PSMA3: variants seen among roughly 807,000 people sequenced by gnomAD.
PSMA3 encodes the protein proteasome subunit alpha type-3.
PSMA3 carries 8 observed loss-of-function variants against 40.0 expected under a neutral mutation model. The observed-to-expected ratio is 0.20, with a 90% CI of 0.12 to 0.36. PSMA3 has a LOEUF of 0.36. Ranked by LOEUF, PSMA3 falls within the 10% of genes least tolerant of loss-of-function variation. The pLI is 1.00. For synonymous variants in PSMA3, 110 were observed against 100.0 expected, an observed-to-expected ratio of 1.10 and a Z score of -0.59; for missense variants, 219 against 310.6, an observed-to-expected ratio of 0.70 and a Z score of 2.22.
At chr14:58,248,617 T>C (rs1319087727) in intron 2 of PSMA3, among the ~76,000 whole-genome samples, 1 of 152,104 alleles carries the variant, frequency 6.6e-6, no homozygotes, top group Non-Finnish European at 1.5e-5. Context: ...GAAATATCTT[T>C]AAAAAATTGA....
chr14:58,270,376 T>A, intron 8 of PSMA3, 42 bp from the exon 9 acceptor site: 2 of 1,611,096 alleles, frequency 1.2e-6, no homozygotes, highest in Non-Finnish European at 1.7e-6. Flanking sequence ...ACTTCAATGT[T>A]TGGAGGTTAC....
At position 58,261,148 on chromosome 14, in the gene PSMA3, T is replaced by A. The variant is rs971441661; in HGVS notation, c.477+128T>A. 3 of 709,600 alleles carry A rather than the reference T, an allele frequency of 4.2e-6. No homozygotes were observed. The East Asian group carries it at 8.6e-5, about 20-fold the overall frequency. The allele number at this position is 709,600 out of a possible 1,614,324, so 44.0% of individuals were successfully genotyped here. A position where few individuals can be genotyped will look rare whatever the true frequency, so the allele number is the denominator to read the frequency against. ...TCAAGGAAAGTAATTTTTCTTTTTT[T>A]TTTTTTTACAACAACCTCTTGTCCA... is the stretch of plus-strand genomic sequence containing the variant. On this transcript the variant is annotated intron_variant, in intron 6 of 10. Transcript: ENST00000216455.
chr14:58,264,594 A>G (rs936008470), intron 7 of PSMA3: 9 of 152,214 alleles, frequency 5.9e-5, no homozygotes, highest in African/African-American at 2.2e-4. Flanking sequence ...ATTTAATGTT[A>G]ATGCTGTACT....
At chr14:58,263,861 T>C (rs112628067) in intron 7 of PSMA3, 91 bp downstream of exon 7, 3 of 1,174,226 alleles carry the variant, frequency 2.6e-6, no homozygotes, top group Non-Finnish European at 3.8e-6. Flanking sequence ...GGCAGGGATG[T>C]CCAATCATTT....
At chr14:58,263,641 G>A (rs1890347136) in intron 6 of PSMA3, 64 bp from the exon 7 acceptor site, 10 of 1,293,150 alleles carry the variant, frequency 7.7e-6, no homozygotes, top group East Asian at 2.4e-5. Flanking sequence ...AGAAACATTA[G>A]TAGTCATTAA....
chr14:58,264,030 T>A (rs1890361249), intron 7 of PSMA3, among the ~76,000 whole-genome samples: 1 of 152,222 alleles, frequency 6.6e-6, no homozygotes, highest in East Asian at 1.9e-4. Flanking sequence ...TGTGGTTTGA[T>A]GTTGAGAGTT....
At chr14:58,250,070 A>T (rs1355437934) in intron 2 of PSMA3, among the ~76,000 whole-genome samples, 2 of 151,368 alleles carry the variant, frequency 1.3e-5, no homozygotes, top group Non-Finnish European at 2.9e-5. Context: ...AATACAAAAA[A>T]TTAGCCGGGC....
rs1424233973 is a variant in PSMA3 at position 58,244,917 on chromosome 14, C to T, written c.-4C>T. The stretch of plus-strand genomic sequence containing the variant: ...TCCCTACGCGTCCCTTTGGGTTTAG[C>T]ACGATGAGCTCAATCGGCACTGGGG... On this transcript the variant is annotated 5_prime_UTR_variant, in exon 1 of 11. Transcript: ENST00000216455. 2 of 1,614,174 alleles carry T rather than the reference C, an allele frequency of 1.2e-6. No individual in the cohort carries two copies. The highest frequency in any genetic ancestry group is 2.2e-5 in the East Asian group (1 of 44,872).
At chr14:58,249,840 C>A (rs546364371) in intron 2 of PSMA3, among the ~76,000 whole-genome samples, 1 of 152,316 alleles carries the variant, frequency 6.6e-6, no homozygotes, top group East Asian at 1.9e-4. Flanking sequence ...TAATTTTGAC[C>A]TCGAAGACTG....
At chr14:58,252,030 G>T (rs962565950) in intron 2 of PSMA3, 89 bp from the exon 3 acceptor site, 2 of 1,374,788 alleles carry the variant, frequency 1.5e-6, no homozygotes, top group South Asian at 1.4e-5. Flanking sequence ...TGCCTTAAAT[G>T]TTACTTATTT....
At position 58,253,195 on chromosome 14, in the gene PSMA3, G is replaced by A. The variant is rs539032171; in HGVS notation, c.228+953G>A. 1.9e-4 allele frequency among the ~76,000 whole-genome samples: 29 copies of A among 152,240 alleles called. No homozygotes were observed. In the South Asian group the frequency reaches 3.7e-3, roughly 20 times the overall value. On this transcript the variant is annotated intron_variant, in intron 3 of 10. Transcript: ENST00000216455. ...AGGCAGGGTTTCACCATGTTGGCCA[G>A]GCTGGTCTCGAACTCCTGACCTCAA... is the stretch of plus-strand genomic sequence containing the variant.
rs1889926609 is a variant in PSMA3, at chr14:58,248,449, C to G, written c.104+617C>G. 2.0e-5 allele frequency among the ~76,000 whole-genome samples: 3 copies of G among 151,616 alleles called. No homozygotes were observed. In the South Asian group the frequency reaches 6.4e-4, roughly 32 times the overall value. ...TTTGCCACGTTGGCCAGGCTGGTCT[C>G]AAACCCCTGGCCTCAAGTGATCCGC... On this transcript the variant is annotated intron_variant, in intron 2 of 10. Coordinates refer to ENST00000216455, the MANE Select transcript of PSMA3 (RefSeq NM_002788.4).
intron 7 of PSMA3, 113 bp downstream of exon 7, chr14:58,263,883 G>A: frequency 6.7e-6 from 6 of 899,806 alleles, no homozygotes. Context: ...GCTTCCCTGG[G>A]CCACACATAA....
chr14:58,271,144 G>C, intron 10 of PSMA3, 146 bp downstream of exon 10: 1 of 470,916 alleles, frequency 2.1e-6, no homozygotes, highest in Non-Finnish European at 3.8e-6. Flanking sequence ...ATTATGTGTT[G>C]AATAATATAA....
intron 5 of PSMA3, among the ~76,000 whole-genome samples, chr14:58,258,625 CTCTT>C (rs1353924308): frequency 6.6e-6 from 1 of 151,916 alleles, no homozygotes; most frequent in Admixed American, 6.6e-5. Context: ...GGCACGGTTT[CTCTT>C]TCTGTTGAAG....
intron 9 of PSMA3, among the ~76,000 whole-genome samples, chr14:58,270,686 A>G (rs1313411253): frequency 6.6e-6 from 1 of 152,232 alleles, no homozygotes; most frequent in African/African-American, 2.4e-5. Context: ...TTAAGATACT[A>G]TGCTATAAAT....
At chr14:58,256,437 T>G (rs546906179) in intron 3 of PSMA3, among the ~76,000 whole-genome samples, 1 of 146,928 alleles carries the variant, frequency 6.8e-6, no homozygotes, top group Admixed American at 6.8e-5. Context: ...TTTTTTGAGA[T>G]GGAGTCTCGC....
intron 3 of PSMA3, among the ~76,000 whole-genome samples, chr14:58,256,205 T>G (rs1890141091): frequency 6.6e-6 from 1 of 152,082 alleles, no homozygotes; most frequent in Non-Finnish European, 1.5e-5. Flanking sequence ...GGTTTATCAT[T>G]GTAGTTTATT....
intron 5 of PSMA3, among the ~76,000 whole-genome samples, chr14:58,258,996 A>T (rs1286494773): frequency 4.6e-5 from 7 of 152,194 alleles, no homozygotes; most frequent in Admixed American, 4.6e-4. Flanking sequence ...CAGTGGTGCC[A>T]TCATGGCTGA....
Sources: allele counts gnomAD v4.1 joint callset (sites outside exome capture counted in the v4.1 genomes callset), GRCh38; gene constraint gnomAD v4.1.1; transcripts MANE v1.5; gene names NCBI Gene and HGNC (gene_info 2026-07-23, HGNC 2026-07-21).